PHF21B: variants seen among roughly 807,000 people sequenced by gnomAD.
The protein encoded by PHF21B is PHD finger protein 21B.
In PHF21B, 22 loss-of-function variants were observed where a neutral mutation model predicts 62.2. That is an observed-to-expected ratio of 0.35 (90% CI 0.25 to 0.51). The LOEUF (loss-of-function observed/expected upper bound fraction) is 0.51. PHF21B is among the 20% of genes least tolerant of loss of function. The probability of loss-of-function intolerance (pLI) is 0.97; values close to 1 mark genes in which losing one functional copy is unlikely to be tolerated. For synonymous variants in PHF21B, 341 were observed against 314.7 expected (o/e 1.08, Z -0.88); for missense variants, 701 against 707.9 (o/e 0.99, Z 0.11).
chr22:44,939,606 A>G (rs895629972), intron 2 of PHF21B, among the ~76,000 whole-genome samples: 1 of 152,208 alleles, frequency 6.6e-6, no homozygotes, highest in African/African-American at 2.4e-5. Context: ...GTTCCCAGAC[A>G]TGGGGCGGAG....
At chr22:44,935,252 G>A (rs981861990) in intron 2 of PHF21B, among the ~76,000 whole-genome samples, 1 of 152,042 alleles carries the variant, frequency 6.6e-6, no homozygotes, top group Non-Finnish European at 1.5e-5. Context: ...CAAACTCCCC[G>A]AGCCCCAGTT....
intron 2 of PHF21B, among the ~76,000 whole-genome samples, chr22:44,929,282 C>G (rs1416354011): frequency 1.3e-5 from 2 of 152,212 alleles, no homozygotes; most frequent in African/African-American, 4.8e-5. Context: ...AACGAACGAG[C>G]TGGTTCCACG....
chr22:44,889,667 C>T, intron 9 of PHF21B, 93 bp downstream of exon 9: 2 of 1,451,314 alleles, frequency 1.4e-6, no homozygotes, highest in Non-Finnish European at 1.9e-6. Flanking sequence ...CCACTCCGGG[C>T]TCTTTCCCTC....
Position 45,009,011 on chromosome 22 carries a change from A to G in PHF21B, c.55-401T>C. 1 of 1,101,072 alleles carries G rather than the reference A, an allele frequency of 9.1e-7. No individual in the cohort carries two copies. Among genetic ancestry groups the G allele is most frequent in the Non-Finnish European group, 1.1e-6 (1 of 904,968 alleles). 68.2% of individuals were successfully genotyped at this position (1,101,072 alleles called of 1,614,324 possible). On this transcript the variant is annotated intron_variant, in intron 1 of 12. Coordinates refer to ENST00000313237, the MANE Select transcript of PHF21B (RefSeq NM_138415.5). This position sits in a 1 kb window ranked among gnomAD's most constrained non-coding sequence, Gnocchi z 5.9. ...TCATAAATATTCAAGTCGCGTCCTAATCTCCCCAACACACACACGCGCACG... is the reference window on the plus strand; with the variant it reads ...TCATAAATATTCAAGTCGCGTCCTAGTCTCCCCAACACACACACGCGCACG...
chr22:45,008,438 G>A (rs1361020373), intron 2 of PHF21B, 107 bp downstream of exon 2: 8 of 1,059,458 alleles, frequency 7.6e-6, no homozygotes. Flanking sequence ...AGACCCCTCT[G>A]GGAGTCTGAG....
chr22:44,953,431 A>G (rs1601638363), intron 2 of PHF21B, among the ~76,000 whole-genome samples: 1 of 152,092 alleles, frequency 6.6e-6, no homozygotes, highest in East Asian at 1.9e-4. Flanking sequence ...TTGTGGTGTG[A>G]TCACCGCTAA....
chr22:44,974,253 A>G (rs1455199931), intron 2 of PHF21B, among the ~76,000 whole-genome samples: 1 of 151,996 alleles, frequency 6.6e-6, no homozygotes, highest in African/African-American at 2.4e-5. Flanking sequence ...TGTCTCTACT[A>G]AAATATAAAA....
intron 2 of PHF21B, among the ~76,000 whole-genome samples, chr22:45,000,103 G>A (rs184708031): frequency 3.3e-5 from 5 of 152,192 alleles, no homozygotes; most frequent in East Asian, 1.9e-4. Flanking sequence ...GGAAGGAGCC[G>A]GCAAAGGATG....
intron 9 of PHF21B, among the ~76,000 whole-genome samples, chr22:44,888,518 G>T (rs1325475749): frequency 1.3e-5 from 2 of 152,188 alleles, no homozygotes; most frequent in African/African-American, 2.4e-5. Context: ...CCATGTGCTG[G>T]GAGTGGGACC....
rs557842596 is a variant in PHF21B at position 44,932,186 on chromosome 22, G to C, written c.121-11696C>G. Among the ~76,000 whole-genome samples the C allele has an allele frequency of 8.5e-5, 13 of 152,336 alleles. No individual in the cohort carries two copies. In the South Asian group the frequency reaches 2.7e-3, roughly 32 times the overall value. On this transcript the variant is annotated intron_variant, in intron 2 of 12. Transcript: ENST00000313237. ...GTTTCCTAAAGATGCAGCAAAATCT[G>C]TTCTTTAAGAGGGGCCATGGGCTTG...
At chr22:44,962,827 C>T (rs974522576) in intron 2 of PHF21B, among the ~76,000 whole-genome samples, 8 of 152,060 alleles carry the variant, frequency 5.3e-5, no homozygotes, top group Non-Finnish European at 1.0e-4. Flanking sequence ...GCTTTACTTG[C>T]GATGTGGCCA....
At chr22:44,936,269 G>C (rs536392313) in intron 2 of PHF21B, among the ~76,000 whole-genome samples, 2 of 152,220 alleles carry the variant, frequency 1.3e-5, no homozygotes, top group Non-Finnish European at 2.9e-5. Flanking sequence ...GCCATGTCCA[G>C]TGGAGACGGC....
intron 2 of PHF21B, among the ~76,000 whole-genome samples, chr22:44,935,386 G>A (rs1011605413): frequency 5.3e-5 from 8 of 152,168 alleles, no homozygotes; most frequent in Non-Finnish European, 7.4e-5. Flanking sequence ...AGGCTGAGAC[G>A]GGCGGATCAC....
intron 2 of PHF21B, among the ~76,000 whole-genome samples, chr22:44,979,177 A>G (rs1274358678): frequency 2.0e-5 from 3 of 152,330 alleles, no homozygotes; most frequent in East Asian, 1.9e-4. Context: ...GCAGAGATCT[A>G]GAGTGTGGAG....
At chr22:44,982,537 A>G (rs1346807894) in intron 2 of PHF21B, among the ~76,000 whole-genome samples, 1 of 152,186 alleles carries the variant, frequency 6.6e-6, no homozygotes, top group African/African-American at 2.4e-5. Flanking sequence ...CACAGGCCCA[A>G]GTGCTCGGCG....
chr22:44,883,292 A>C lies in PHF21B; in HGVS notation c.1390T>G (p.Leu464Val), dbSNP rs1015143798. ...TGGCGGGCCAGCAGGCTTGTCTTCA[A>C]CTCCAGGCATTTCTGTTGGGGAGAA... ...LASAVQKCLE[L>V]KTSLLARQRG... is the part of the protein sequence containing the mutation. The change falls in exon 13 of 13, where the codon TTG becomes GTG. Residue 464 changes from leucine (L) to valine (V), a missense_variant. Transcript: ENST00000313237. 6.2e-7 allele frequency: 1 copy of C among 1,613,192 alleles called. No homozygotes were observed. The highest frequency in any genetic ancestry group is 1.3e-5 in the African/African-American group (1 of 74,782).
At chr22:44,996,157 C>T (rs982555328) in intron 2 of PHF21B, among the ~76,000 whole-genome samples, 7 of 152,152 alleles carry the variant, frequency 4.6e-5, no homozygotes, top group African/African-American at 1.4e-4. Context: ...CTGAGGGGCT[C>T]GGTCTCTCCA....
chr22:44,890,979 G>A (rs1352391006), intron 8 of PHF21B, among the ~76,000 whole-genome samples: 2 of 152,252 alleles, frequency 1.3e-5, no homozygotes, highest in African/African-American at 4.8e-5. Flanking sequence ...CCGCCCGCGT[G>A]TGGGGAAGAG....
intron 3 of PHF21B, among the ~76,000 whole-genome samples, chr22:44,916,921 G>A (rs9614978): frequency 0.073 from 11,144 of 152,252 alleles, 466 homozygotes; most frequent in African/African-American, 0.11. Context: ...GGAAGGCAGC[G>A]CTTGGGCGCG....
Sources: gnomAD v4.1 joint callset for allele counts (sites outside exome capture counted in the v4.1 genomes callset) on GRCh38, gnomAD v4.1.1 for gene constraint, Gnocchi (gnomAD v3.1) non-coding constraint, MANE v1.5 for transcripts, NCBI Gene and HGNC (gene_info 2026-07-23, HGNC 2026-07-21) for gene names.